Variants in INO80 observed in about 807,000 individuals in gnomAD.
INO80 encodes INO80 complex ATPase subunit.
In INO80, 20 loss-of-function variants were observed where a neutral mutation model predicts 203.4. The observed-to-expected ratio is 0.10, with a 90% CI of 0.07 to 0.14. INO80 has a LOEUF of 0.14. Among genes scored for constraint, INO80 ranks in the 10% least tolerant of loss-of-function variants. The pLI is 1.00. For missense variants in INO80, 1,419 were observed against 1,914.4 expected, an observed-to-expected ratio of 0.74 and a Z score of 4.83; for synonymous variants, 726 against 685.2, an observed-to-expected ratio of 1.06 and a Z score of -0.93.
At chr15:41,088,858 G>C (rs2045596547) in intron 5 of INO80, among the ~76,000 whole-genome samples, 1 of 152,110 alleles carries the variant, frequency 6.6e-6, no homozygotes, top group African/African-American at 2.4e-5. Flanking sequence ...TTTCCTATAT[G>C]TATGTTTTAT....
chr15:41,082,518 T>C (rs961510440), intron 7 of INO80, among the ~76,000 whole-genome samples: 1 of 151,904 alleles, frequency 6.6e-6, no homozygotes, highest in Non-Finnish European at 1.5e-5. Flanking sequence ...CTGGTCAACA[T>C]GGTGAATCCC....
intron 1 of INO80, among the ~76,000 whole-genome samples, chr15:41,112,910 T>C (rs1364022508): frequency 2.0e-5 from 3 of 151,360 alleles, no homozygotes; most frequent in East Asian, 1.9e-4. Flanking sequence ...TTATATTTCA[T>C]GTGTATTTTG....
chr15:41,038,017 T>TC (rs926574550), intron 24 of INO80, among the ~76,000 whole-genome samples: 23 of 132,476 alleles, frequency 1.7e-4, no homozygotes, highest in Admixed American at 3.6e-4. Context: ...TTTTCTTTTT[T>TC]TTTTTTTTTT....
intron 1 of INO80, among the ~76,000 whole-genome samples, chr15:41,112,801 A>C (rs940172528): frequency 6.6e-6 from 1 of 151,320 alleles, no homozygotes; most frequent in Non-Finnish European, 1.5e-5. Flanking sequence ...AAAAAAAAAA[A>C]AAAAAAAAAA....
At chr15:41,061,286 C>T (rs1276201993) in intron 14 of INO80, among the ~76,000 whole-genome samples, 74 of 145,804 alleles carry the variant, frequency 5.1e-4, no homozygotes, top group Middle Eastern at 4.4e-3. Context: ...GGCAACAGAG[C>T]AAGACTTTGT....
At chr15:41,053,323 T>G (rs561181752) in intron 19 of INO80, among the ~76,000 whole-genome samples, 1 of 152,200 alleles carries the variant, frequency 6.6e-6, no homozygotes, top group South Asian at 2.1e-4. Flanking sequence ...GCCAGGATGG[T>G]CTCGATTTCC....
At position 41,047,427 on chromosome 15, in the gene INO80, G is replaced by C. The variant is rs753511359; in HGVS notation, c.2716C>G (p.Leu906Val). The change falls in exon 23 of 36, where the codon CTT becomes GTT. Residue 906 changes from leucine (L) to valine (V), a missense_variant. Physicochemically the swap from Leu to Val is conservative, Grantham distance 32. Coordinates refer to ENST00000648947, the MANE Select transcript of INO80 (RefSeq NM_017553.3). ...ISPAEMANLM[L>V]QGLLARWLAL... Reference sequence around the variant, plus strand: ...TCTCACCTGGCCAAAAGTCCCTGAAGCATAAGGTTTGCCATTTCTGCTGGA... The same window carrying C: ...TCTCACCTGGCCAAAAGTCCCTGAACCATAAGGTTTGCCATTTCTGCTGGA... The C allele has an allele frequency of 2.5e-6, 4 of 1,613,258 alleles. No homozygotes were observed. Among genetic ancestry groups the C allele is most frequent in the Admixed American group, 1.7e-5 (1 of 59,862 alleles).
intron 27 of INO80, among the ~76,000 whole-genome samples, chr15:41,011,976 C>A (rs1341738715): frequency 6.6e-6 from 1 of 152,166 alleles, no homozygotes; most frequent in Non-Finnish European, 1.5e-5. Context: ...CCACATATAG[C>A]ATAAGCTGAT....
At chr15:41,073,616 G>A in intron 10 of INO80, 121 bp from the exon 11 acceptor site, 1 of 827,874 alleles carries the variant, frequency 1.2e-6, no homozygotes, top group Non-Finnish European at 2.1e-6. Context: ...GGTTCACGGA[G>A]GGTGGGGGAA....
chr15:41,095,986 G>T, intron 2 of INO80, 58 bp from the exon 3 acceptor site: 2 of 1,523,792 alleles, frequency 1.3e-6, no homozygotes, highest in South Asian at 1.2e-5. Context: ...ATAATTTAAA[G>T]TTAGAACTGG....
chr15:41,027,784 G>T, intron 24 of INO80, 48 bp from the exon 25 acceptor site: 6 of 1,441,190 alleles, frequency 4.2e-6, no homozygotes, highest in African/African-American at 1.4e-5. Context: ...TATGTTTAAT[G>T]TAAGCAAAAT....
chr15:41,023,382 GTT>G (rs2044324322), intron 25 of INO80: 1 of 319,836 alleles, frequency 3.1e-6, no homozygotes, highest in Non-Finnish European at 6.2e-6. Context: ...TCTATAAAAA[GTT>G]TAAAAAGTAA....
chr15:41,114,504 T>A (rs2046000556), intron 1 of INO80, among the ~76,000 whole-genome samples: 2 of 150,122 alleles, frequency 1.3e-5, no homozygotes, highest in African/African-American at 4.9e-5. Context: ...AGGTCAGGAG[T>A]TCGAGACCGG....
Position 41,096,333 on chromosome 15 carries a change from C to A in INO80, c.-23G>T. The A allele has an allele frequency of 6.4e-7, 1 of 1,557,270 alleles. No homozygotes were observed. The highest frequency in any genetic ancestry group is 2.3e-5 in the East Asian group (1 of 42,856). On this transcript the variant is annotated 5_prime_UTR_variant, in exon 2 of 36. Transcript: ENST00000648947. ...CATAGAACAAATCTGTCTTCATGCA[C>A]AAGGACCTCCGACTGCACGGCTGCA... is the stretch of plus-strand genomic sequence containing the variant.
At chr15:41,077,997 T>C (rs1596313525) in intron 9 of INO80, among the ~76,000 whole-genome samples, 1 of 149,668 alleles carries the variant, frequency 6.7e-6, no homozygotes, top group Admixed American at 6.8e-5. Context: ...ACCTCCCGGG[T>C]TCAAGCAATT....
chr15:41,007,283 A>G (rs2044060093), intron 27 of INO80, among the ~76,000 whole-genome samples: 1 of 149,956 alleles, frequency 6.7e-6, no homozygotes, highest in African/African-American at 2.5e-5. Context: ...CCCAGGTTCA[A>G]GCGATTCTCC....
At chr15:41,031,998 G>A (rs369511219) in intron 24 of INO80, among the ~76,000 whole-genome samples, 4 of 53,862 alleles carry the variant, frequency 7.4e-5, no homozygotes, top group African/African-American at 2.0e-4. Flanking sequence ...CACAGCACAG[G>A]ACAGCACAGC....
intron 1 of INO80, among the ~76,000 whole-genome samples, chr15:41,113,245 A>G (rs2045982527): frequency 6.6e-6 from 1 of 150,858 alleles, no homozygotes; most frequent in Admixed American, 6.6e-5. Context: ...GTTGGCATAT[A>G]AAATCCCCTA....
At chr15:40,996,028 C>T (rs1450790769) in intron 29 of INO80, among the ~76,000 whole-genome samples, 1 of 151,684 alleles carries the variant, frequency 6.6e-6, no homozygotes, top group African/African-American at 2.4e-5. Context: ...TGTGTAGTAT[C>T]AGATTAGTGA....
Sources: gnomAD v4.1 joint callset for allele counts (sites outside exome capture counted in the v4.1 genomes callset) on GRCh38, gnomAD v4.1.1 for gene constraint, MANE v1.5 for transcripts, NCBI Gene and HGNC (gene_info 2026-07-23, HGNC 2026-07-21) for gene names.